The following SENP7 variants were observed in gnomAD, a reference collection of about 807,000 sequenced individuals.
SENP7 encodes SUMO specific peptidase 7.
Under a neutral mutation model 141.2 loss-of-function variants are expected in SENP7, and 64 were observed. That is an observed-to-expected ratio of 0.45 (90% CI 0.37 to 0.56). The LOEUF (loss-of-function observed/expected upper bound fraction) is 0.56, where lower values mean the gene tolerates loss of function less well. SENP7 is among the 20% of genes least tolerant of loss of function. The pLI, the probability that SENP7 is intolerant of heterozygous loss-of-function variation, is 0.00. For missense variants in SENP7, 1,025 were observed against 1,212.2 expected, an observed-to-expected ratio of 0.85 and a Z score of 2.29; for synonymous variants, 382 against 426.4, an observed-to-expected ratio of 0.90 and a Z score of 1.28.
intron 3 of SENP7, among the ~76,000 whole-genome samples, chr3:101,492,107 G>A (rs1231440493): frequency 6.6e-6 from 1 of 151,212 alleles, no homozygotes; most frequent in African/African-American, 2.4e-5. Context: ...AAAAAAAAAT[G>A]GTTAATAGAG....
intron 6 of SENP7, among the ~76,000 whole-genome samples, chr3:101,375,017 G>A (rs9877151): frequency 0.4 from 60,360 of 151,806 alleles, 12,500 homozygotes; most frequent in Admixed American, 0.54. Context: ...GATGTTCAAC[G>A]TCACTAATCA....
chr3:101,392,798 G>T (rs541131533), intron 6 of SENP7, among the ~76,000 whole-genome samples: 2 of 152,284 alleles, frequency 1.3e-5, no homozygotes, highest in Admixed American at 1.3e-4. Flanking sequence ...ATATTACAAA[G>T]CTATAGTAAC....
At chr3:101,428,089 T>TAGA (rs2062024951) in intron 4 of SENP7, among the ~76,000 whole-genome samples, 1 of 152,200 alleles carries the variant, frequency 6.6e-6, no homozygotes. Context: ...CTTTATCCAG[T>TAGA]CTATCATTGA....
chr3:101,484,322 G>T (rs935756378), intron 3 of SENP7, among the ~76,000 whole-genome samples: 1 of 152,144 alleles, frequency 6.6e-6, no homozygotes. Flanking sequence ...CTAAATATAC[G>T]AAGAACTCTT....
chr3:101,432,767 C>T (rs2062232713), intron 4 of SENP7, among the ~76,000 whole-genome samples: 1 of 152,136 alleles, frequency 6.6e-6, no homozygotes, highest in South Asian at 2.1e-4. Context: ...ACACCCAGCT[C>T]CTTTCAAATA....
In SENP7 at chr3:101,340,134, C is replaced by A. The variant is rs1553693482; in HGVS notation, c.2318G>T (p.Gly773Val). ...AATGATTACATCATTAAGAAACTCT[C>A]CTTCTTCTAAACACTCCAGATCTTC... ...TNEDLECLEE[G>V]EFLNDVIIDF... Residue 773 changes from glycine to valine, a missense_variant, in exon 16 of 24, where the codon GGA becomes GTA. Physicochemically the swap from Gly to Val is moderately radical, Grantham distance 109. Around this residue, in one of 4 missense-constraint regions of SENP7, gnomAD observed 295 missense variants for 459.1 expected, o/e 0.64. Coordinates refer to ENST00000394095, the MANE Select transcript of SENP7 (RefSeq NM_020654.5). The A allele has an allele frequency of 6.3e-7, 1 of 1,598,712 alleles. No individual in the cohort carries two copies. Among genetic ancestry groups the A allele is most frequent in the Non-Finnish European group, 8.5e-7 (1 of 1,174,726 alleles).
chr3:101,341,600 C>A, intron 15 of SENP7, 46 bp downstream of exon 15: 1 of 1,387,530 alleles, frequency 7.2e-7, no homozygotes, highest in Non-Finnish European at 9.5e-7. Flanking sequence ...TGAATAAAAA[C>A]TACTAATATG....
chr3:101,356,872 G>T (rs1357068366), intron 11 of SENP7, among the ~76,000 whole-genome samples: 1 of 152,058 alleles, frequency 6.6e-6, no homozygotes, highest in East Asian at 1.9e-4. Flanking sequence ...TACAAGTAAA[G>T]GTACTACAAC....
chr3:101,387,005 G>T (rs978220404), intron 6 of SENP7, among the ~76,000 whole-genome samples: 2 of 152,184 alleles, frequency 1.3e-5, no homozygotes, highest in Non-Finnish European at 2.9e-5. Flanking sequence ...GGAATCAATG[G>T]ACCCTAACAA....
intron 2 of SENP7, among the ~76,000 whole-genome samples, chr3:101,494,921 C>T (rs1035485214): frequency 5.3e-5 from 8 of 151,974 alleles, no homozygotes; most frequent in Non-Finnish European, 1.0e-4. Flanking sequence ...AAAGCAATTG[C>T]GATAAAAGCA....
intron 19 of SENP7, among the ~76,000 whole-genome samples, chr3:101,331,419 G>A (rs1576801774): frequency 6.7e-6 from 1 of 149,904 alleles, no homozygotes; most frequent in East Asian, 2.0e-4. Flanking sequence ...GGAGTTCGAG[G>A]TTGCAATGAG....
chr3:101,371,967 GA>G, intron 7 of SENP7, 40 bp downstream of exon 7: 2 of 854,820 alleles, frequency 2.3e-6, no homozygotes, highest in South Asian at 2.9e-5. Flanking sequence ...AATACAATAA[GA>G]AAAAATTCAA....
At chr3:101,429,366 C>T (rs553513939) in intron 4 of SENP7, among the ~76,000 whole-genome samples, 450 of 152,226 alleles carry the variant, frequency 3.0e-3, no homozygotes, top group African/African-American at 0.01. Flanking sequence ...TCTTTTATTT[C>T]CTGGAGTAGT....
intron 14 of SENP7, among the ~76,000 whole-genome samples, chr3:101,343,306 TTGG>T (rs557811079): frequency 1.6e-4 from 25 of 152,302 alleles, no homozygotes; most frequent in Admixed American, 4.6e-4. Context: ...TTAGCATCTG[TTGG>T]TGGACTTTGC....
chr3:101,480,156 T>C (rs1437830460), intron 3 of SENP7, among the ~76,000 whole-genome samples: 3 of 152,040 alleles, frequency 2.0e-5, no homozygotes, highest in African/African-American at 4.8e-5. Context: ...GACTATTTCA[T>C]AGCAATGAAA....
intron 11 of SENP7, among the ~76,000 whole-genome samples, chr3:101,354,777 T>C (rs1227591279): frequency 1.3e-5 from 2 of 152,166 alleles, no homozygotes. Flanking sequence ...CTGGGTTGAA[T>C]GGTAATTCTG....
intron 4 of SENP7, among the ~76,000 whole-genome samples, chr3:101,432,837 T>TA (rs1410026757): frequency 6.6e-6 from 1 of 152,064 alleles, no homozygotes. Context: ...AAGACTACAA[T>TA]AAAAACCTAA....
intron 3 of SENP7, among the ~76,000 whole-genome samples, chr3:101,471,587 C>T (rs2063997727): frequency 6.6e-6 from 1 of 152,142 alleles, no homozygotes. Context: ...AGGATATAGG[C>T]ATAGGCAAGA....
intron 1 of SENP7, among the ~76,000 whole-genome samples, chr3:101,509,157 A>C (rs1576565164): frequency 6.6e-6 from 1 of 150,718 alleles, no homozygotes; most frequent in Admixed American, 6.7e-5. Context: ...CCCCTTTCCC[A>C]CTCCCTACCA....
Sources: allele counts gnomAD v4.1 joint callset (sites outside exome capture counted in the v4.1 genomes callset), GRCh38; gene constraint gnomAD v4.1.1; regional missense constraint gnomAD v4.1.1; transcripts MANE v1.5; gene names NCBI Gene and HGNC (gene_info 2026-07-23, HGNC 2026-07-21).